Variants in GAB2 observed in about 807,000 individuals in gnomAD.
The protein encoded by GAB2 is GRB2-associated-binding protein 2.
GAB2 carries 26 observed loss-of-function variants against 65.5 expected under a neutral mutation model. That is an observed-to-expected ratio of 0.40 (90% CI 0.29 to 0.55). The LOEUF (loss-of-function observed/expected upper bound fraction) is 0.55. Ranked by LOEUF, GAB2 falls within the 20% of genes least tolerant of loss-of-function variation. GAB2 has a pLI of 0.53. For synonymous variants in GAB2, 321 were observed against 329.6 expected (o/e 0.97, Z 0.28); for missense variants, 884 against 875.8 (o/e 1.01, Z -0.12).
intron 1 of GAB2, among the ~76,000 whole-genome samples, chr11:78,414,168 C>G (rs1029469225): frequency 6.6e-6 from 1 of 151,280 alleles, no homozygotes; most frequent in African/African-American, 2.4e-5. Context: ...ATTCATCGTA[C>G]GTACAGACAA....
At position 78,218,789 on chromosome 11, in the gene GAB2, T is replaced by C. The variant is rs999195897; in HGVS notation, c.*483A>G. 1 of 154,730 alleles carries C rather than the reference T, an allele frequency of 6.5e-6. No individual in the cohort carries two copies. Among genetic ancestry groups the C allele is most frequent in the Non-Finnish European group, 1.4e-5 (1 of 69,538 alleles). 9.6% of individuals were successfully genotyped at this position (154,730 alleles called of 1,614,324 possible). ...GAAAAACAGGAATGAAAAAGTCCATTATCCACTTTGGTTTGCTGGTCCTTG... is the reference window on the plus strand; with the variant it reads ...GAAAAACAGGAATGAAAAAGTCCATCATCCACTTTGGTTTGCTGGTCCTTG... On this transcript the variant is annotated 3_prime_UTR_variant, in exon 10 of 10. Coordinates refer to ENST00000361507, the MANE Select transcript of GAB2 (RefSeq NM_080491.3).
intron 1 of GAB2, among the ~76,000 whole-genome samples, chr11:78,365,196 C>T (rs115332945): frequency 0.012 from 1,871 of 152,268 alleles, 32 homozygotes; most frequent in African/African-American, 0.043. Flanking sequence ...AAAATGAAAT[C>T]TCAGATAAGC....
At chr11:78,284,242 C>A (rs1459163335) in intron 1 of GAB2, among the ~76,000 whole-genome samples, 1 of 152,242 alleles carries the variant, frequency 6.6e-6, no homozygotes, top group African/African-American at 2.4e-5. Context: ...TGCTTCTCCT[C>A]ACCTCCACTG....
chr11:78,352,161 C>T (rs11237464), intron 1 of GAB2, among the ~76,000 whole-genome samples: 24,096 of 152,132 alleles, frequency 0.16, 2,554 homozygotes, highest in East Asian at 0.41. Context: ...TGCAGTAAGC[C>T]GAGATGGCGC....
intron 8 of GAB2, among the ~76,000 whole-genome samples, chr11:78,220,823 C>T (rs1864386896): frequency 6.6e-6 from 1 of 152,212 alleles, no homozygotes; most frequent in African/African-American, 2.4e-5. Context: ...AGTGGCTCTC[C>T]TGAGACATCC....
intron 1 of GAB2, among the ~76,000 whole-genome samples, chr11:78,324,975 A>G (rs1224693241): frequency 1.3e-5 from 2 of 152,172 alleles, no homozygotes; most frequent in Admixed American, 6.5e-5. Flanking sequence ...TTTACTTCGC[A>G]ATGGTAGTCT....
chr11:78,388,417 C>T (rs1389473314), intron 1 of GAB2, among the ~76,000 whole-genome samples: 1 of 152,004 alleles, frequency 6.6e-6, no homozygotes, highest in African/African-American at 2.4e-5. Context: ...GCCTCAACTT[C>T]CTGGGCTTGG....
intron 1 of GAB2, among the ~76,000 whole-genome samples, chr11:78,412,617 A>G (rs533471936): frequency 1.2e-3 from 177 of 152,362 alleles, no homozygotes; most frequent in African/African-American, 4.0e-3. Flanking sequence ...ATACTGTACT[A>G]TAATTTTGCA....
chr11:78,230,325 A>G (rs1016811315), intron 3 of GAB2, among the ~76,000 whole-genome samples: 2 of 152,050 alleles, frequency 1.3e-5, no homozygotes, highest in East Asian at 1.9e-4. Context: ...ATCCCTAAAC[A>G]TGTCCTGTGT....
At chr11:78,223,873 G>A (rs1388747653) in intron 5 of GAB2, among the ~76,000 whole-genome samples, 197 bp from the exon 6 acceptor site, 1 of 152,110 alleles carries the variant, frequency 6.6e-6, no homozygotes, top group Non-Finnish European at 1.5e-5. Context: ...TTGAGGTGAG[G>A]GGTTCGAGAC....
chr11:78,395,358 G>C (rs908799008), intron 1 of GAB2, among the ~76,000 whole-genome samples: 1 of 152,242 alleles, frequency 6.6e-6, no homozygotes, highest in Non-Finnish European at 1.5e-5. Flanking sequence ...GAAGGCTGAG[G>C]CAGGGGAATC....
intron 2 of GAB2, among the ~76,000 whole-genome samples, chr11:78,259,178 T>C (rs188699692): frequency 1.5e-4 from 23 of 152,344 alleles, no homozygotes; most frequent in African/African-American, 4.3e-4. Context: ...TTAATATCTT[T>C]ATCCCTCATT....
chr11:78,234,238 G>C (rs2510041), intron 3 of GAB2, among the ~76,000 whole-genome samples: 5,167 of 152,014 alleles, frequency 0.034, 305 homozygotes, highest in African/African-American at 0.12. Flanking sequence ...ACATGTGACC[G>C]TGCCTGGCTA....
intron 1 of GAB2, among the ~76,000 whole-genome samples, chr11:78,389,034 T>C (rs1439607535): frequency 6.6e-6 from 1 of 152,192 alleles, no homozygotes; most frequent in Non-Finnish European, 1.5e-5. Flanking sequence ...AATGAGTACA[T>C]ATTAAGCATT....
intron 1 of GAB2, among the ~76,000 whole-genome samples, chr11:78,361,141 A>G (rs1400645320): frequency 6.6e-6 from 1 of 152,242 alleles, no homozygotes; most frequent in Non-Finnish European, 1.5e-5. Flanking sequence ...CATGGGAAAG[A>G]TTTAATGACA....
intron 2 of GAB2, among the ~76,000 whole-genome samples, chr11:78,274,621 A>C (rs1866116520): frequency 6.6e-6 from 1 of 152,198 alleles, no homozygotes; most frequent in African/African-American, 2.4e-5. Context: ...TGGTGATTTG[A>C]ACTAAGACAT....
chr11:78,295,034 A>T (rs917722026), intron 1 of GAB2, among the ~76,000 whole-genome samples: 4 of 152,210 alleles, frequency 2.6e-5, no homozygotes, highest in Non-Finnish European at 4.4e-5. Flanking sequence ...AACTCAAACA[A>T]ATTTACAAGA....
chr11:78,401,423 A>G (rs1385922250), intron 1 of GAB2, among the ~76,000 whole-genome samples: 1 of 151,990 alleles, frequency 6.6e-6, no homozygotes, highest in African/African-American at 2.4e-5. Flanking sequence ...CATTTTATTT[A>G]GCATAATGTC....
At chr11:78,260,136 A>C (rs1297141896) in intron 2 of GAB2, among the ~76,000 whole-genome samples, 2 of 152,198 alleles carry the variant, frequency 1.3e-5, no homozygotes, top group East Asian at 3.8e-4. Flanking sequence ...AGAAAAAAGA[A>C]AAGACAGACA....
Sources: gnomAD v4.1 joint callset for allele counts (sites outside exome capture counted in the v4.1 genomes callset) on GRCh38, gnomAD v4.1.1 for gene constraint, MANE v1.5 for transcripts, NCBI Gene and HGNC (gene_info 2026-07-23, HGNC 2026-07-21) for gene names.